RANBP2: variants seen among roughly 807,000 people sequenced by gnomAD.
RANBP2 encodes RAN binding protein 2.
A neutral mutation model predicts 303.6 loss-of-function variants in RANBP2; 57 were observed. The ratio of observed to expected loss-of-function variants is 0.19; its 90% CI spans 0.15 to 0.23. The LOEUF (loss-of-function observed/expected upper bound fraction) is 0.23. RANBP2 is among the 10% of genes least tolerant of loss of function. The pLI is 1.00. For missense variants in RANBP2, 3,138 were observed against 3,780.8 expected (o/e 0.83, Z 4.46); for synonymous variants, 1,167 against 1,301.5 (o/e 0.90, Z 2.23).
chr2:109,682,724 G>A, the RANBP2 span, among the ~76,000 whole-genome samples: 2 of 152,154 alleles, frequency 1.3e-5, no homozygotes, highest in Non-Finnish European at 2.9e-5. Context: ...AAGACTGCTT[G>A]AGGCCAGGAT....
the RANBP2 span, among the ~76,000 whole-genome samples, chr2:109,193,537 A>G: frequency 8.5e-5 from 13 of 152,124 alleles, no homozygotes; most frequent in African/African-American, 3.1e-4. Context: ...GGCTTCTTTC[A>G]TTCCCCATGA....
At chr2:109,621,704 G>C in the RANBP2 span, among the ~76,000 whole-genome samples, 6 of 151,950 alleles carry the variant, frequency 3.9e-5, no homozygotes, top group Non-Finnish European at 8.8e-5. Flanking sequence ...ACGAGGTTAG[G>C]AGTTCGAGAC....
chr2:109,361,504 C>T, the RANBP2 span, among the ~76,000 whole-genome samples: 348 of 152,218 alleles, frequency 2.3e-3, 1 homozygote, highest in African/African-American at 7.4e-3. Context: ...AATGGAGTCT[C>T]GCTCTGTCAC....
At chr2:109,662,843 C>T in the RANBP2 span, among the ~76,000 whole-genome samples, 1 of 152,168 alleles carries the variant, frequency 6.6e-6, no homozygotes, top group African/African-American at 2.4e-5. Context: ...CTATTCCCAC[C>T]GCCTTCTCCC....
chr2:109,137,986 C>T, the RANBP2 span, among the ~76,000 whole-genome samples: 2 of 152,212 alleles, frequency 1.3e-5, no homozygotes, highest in East Asian at 1.9e-4. Context: ...CCCATAAATG[C>T]AATGGCAGAC....
At chr2:109,358,191 T>A in the RANBP2 span, among the ~76,000 whole-genome samples, 2 of 152,234 alleles carry the variant, frequency 1.3e-5, no homozygotes, top group African/African-American at 4.8e-5. Context: ...CAATTTGCAT[T>A]TAAGGTCCTT....
the RANBP2 span, among the ~76,000 whole-genome samples, chr2:109,298,502 G>A: frequency 2.0e-5 from 3 of 152,074 alleles, no homozygotes; most frequent in South Asian, 6.2e-4. Context: ...GATGATTTAG[G>A]TCACTTTGCT....
chr2:109,443,698 A>G, the RANBP2 span, among the ~76,000 whole-genome samples: 1 of 152,234 alleles, frequency 6.6e-6, no homozygotes. Context: ...TTTAGAGGAC[A>G]TAACAGTTCT....
rs1402004064 is a variant in RANBP2 at position 108,763,868 on chromosome 2, C to T, written c.3329C>T (p.Ser1110Leu). The change falls in exon 20 of 29, where the codon TCA becomes TTA. Residue 1110 changes from serine to leucine, a missense_variant. This residue lies in a region of RANBP2 where 403 missense variants were observed against 376.7 expected (regional missense o/e 1.07). Coordinates refer to ENST00000283195, the MANE Select transcript of RANBP2 (RefSeq NM_006267.5). Reference protein sequence around the residue: ...NFGSKNVSGISFTENMGSSQQ... With the variant: ...NFGSKNVSGILFTENMGSSQQ... ...GGAAGCAAAAATGTGTCTGGAATTTCATTTACAGAAAACATGGGGTCGAGT... is the reference window on the plus strand; with the variant it reads ...GGAAGCAAAAATGTGTCTGGAATTTTATTTACAGAAAACATGGGGTCGAGT... The T allele has an allele frequency of 4.3e-6, 7 of 1,613,880 alleles. No homozygotes were observed. The highest frequency in any genetic ancestry group is 5.9e-6 in the Non-Finnish European group (7 of 1,179,998).
chr2:109,339,035 G>A, the RANBP2 span, among the ~76,000 whole-genome samples: 6 of 152,156 alleles, frequency 3.9e-5, no homozygotes, highest in African/African-American at 9.7e-5. Flanking sequence ...AAGAGAAAAT[G>A]TATTTACTAC....
the RANBP2 span, among the ~76,000 whole-genome samples, chr2:108,873,951 T>C: frequency 6.6e-6 from 1 of 152,098 alleles, no homozygotes; most frequent in African/African-American, 2.4e-5. Context: ...AAAATTAAGA[T>C]TCATAAATAC....
At chr2:108,823,779 A>G in the RANBP2 span, among the ~76,000 whole-genome samples, 1 of 152,196 alleles carries the variant, frequency 6.6e-6, no homozygotes, top group Non-Finnish European at 1.5e-5. Context: ...CAGGAGTTCG[A>G]GACCAGCCTG....
chr2:109,615,495 G>A, the RANBP2 span: 34 of 1,613,576 alleles, frequency 2.1e-5, no homozygotes, highest in Admixed American at 5.0e-5. Context: ...GAACATCGAC[G>A]CCAGGACGAG....
At chr2:109,586,872 A>G in the RANBP2 span, among the ~76,000 whole-genome samples, 53 of 152,348 alleles carry the variant, frequency 3.5e-4, no homozygotes, top group African/African-American at 1.2e-3. Flanking sequence ...ACAAGGCTCA[A>G]CATGATCAAT....
chr2:108,746,638 AAT>A, intron 7 of RANBP2, 71 bp from the exon 8 acceptor site: 1 of 1,050,720 alleles, frequency 9.5e-7, no homozygotes, highest in Non-Finnish European at 1.4e-6. Flanking sequence ...AGTACAGTGT[AAT>A]AGATAAGACC....
the RANBP2 span, among the ~76,000 whole-genome samples, chr2:109,200,594 C>G: frequency 1.3e-5 from 2 of 152,180 alleles, no homozygotes; most frequent in African/African-American, 4.8e-5. Flanking sequence ...CCTTTTCCAC[C>G]TGGAGATGCC....
chr2:109,597,223 G>A, the RANBP2 span, among the ~76,000 whole-genome samples: 1 of 152,248 alleles, frequency 6.6e-6, no homozygotes, highest in Non-Finnish European at 1.5e-5. Context: ...TTATAGGCAT[G>A]AGCCACCGTG....
the RANBP2 span, among the ~76,000 whole-genome samples, chr2:108,802,071 C>T: frequency 6.9e-5 from 10 of 144,638 alleles, no homozygotes; most frequent in Non-Finnish European, 1.2e-4. Flanking sequence ...GTGATGGCTC[C>T]AGCTTTGTTC....
At chr2:108,921,903 G>A in the RANBP2 span, among the ~76,000 whole-genome samples, 299 of 152,356 alleles carry the variant, frequency 2.0e-3, 3 homozygotes, top group Non-Finnish European at 2.6e-3. Context: ...CTTCAGGGCC[G>A]GATTCTAAGG....
Sources: gnomAD v4.1 joint callset for allele counts (sites outside exome capture counted in the v4.1 genomes callset) on GRCh38, gnomAD v4.1.1 for gene constraint, gnomAD v4.1.1 regional missense constraint, MANE v1.5 for transcripts, NCBI Gene and HGNC (gene_info 2026-07-23, HGNC 2026-07-21) for gene names.